Variants in NOL4 observed in about 807,000 individuals in gnomAD.
The protein encoded by NOL4 is nucleolar protein 4, also known as cancer/testis antigen 125.
In NOL4, 17 loss-of-function variants were observed where a neutral mutation model predicts 75.9. The ratio of observed to expected loss-of-function variants is 0.22; its 90% CI spans 0.15 to 0.34. The LOEUF is 0.34. Among genes scored for constraint, NOL4 ranks in the 10% least tolerant of loss-of-function variants. The pLI is 1.00. For synonymous variants in NOL4, 292 were observed against 289.9 expected (o/e 1.01, Z -0.07); for missense variants, 614 against 793.5 (o/e 0.77, Z 2.72).
chr18:33,870,803 G>A (rs2063664376), intron 10 of NOL4, among the ~76,000 whole-genome samples: 1 of 151,940 alleles, frequency 6.6e-6, no homozygotes, highest in Non-Finnish European at 1.5e-5. Context: ...AAATTCAGAA[G>A]ACTGTACAAG....
At chr18:34,149,751 T>C (rs530810246) in intron 1 of NOL4, among the ~76,000 whole-genome samples, 1 of 151,734 alleles carries the variant, frequency 6.6e-6, no homozygotes, top group East Asian at 1.9e-4. Context: ...TTATTTTAAC[T>C]TGTCTGTTCA....
At chr18:33,887,931 C>A (rs1321361612) in intron 9 of NOL4, among the ~76,000 whole-genome samples, 2 of 152,096 alleles carry the variant, frequency 1.3e-5, no homozygotes, top group African/African-American at 4.8e-5. Context: ...TTGGGTATAT[C>A]CCCAGTAATG....
chr18:33,869,160 A>T (rs1567981039), intron 10 of NOL4, among the ~76,000 whole-genome samples: 1 of 151,902 alleles, frequency 6.6e-6, no homozygotes. Context: ...ATAATATTAC[A>T]GCACATAAGA....
At chr18:34,014,798 C>T (rs985287769) in intron 6 of NOL4, among the ~76,000 whole-genome samples, 2 of 152,028 alleles carry the variant, frequency 1.3e-5, no homozygotes, top group African/African-American at 4.8e-5. Context: ...TGATTCCCTG[C>T]TAGTCTAGTG....
intron 6 of NOL4, among the ~76,000 whole-genome samples, chr18:33,997,490 G>C (rs2073382020): frequency 1.6e-5 from 1 of 62,768 alleles, no homozygotes; most frequent in African/African-American, 6.4e-5. Flanking sequence ...AGTATAGTTT[G>C]AGGTGGGGTA....
intron 6 of NOL4, among the ~76,000 whole-genome samples, chr18:33,965,129 G>T (rs2070472862): frequency 6.6e-6 from 1 of 152,094 alleles, no homozygotes; most frequent in Non-Finnish European, 1.5e-5. Flanking sequence ...ATCCACACTT[G>T]TTAGAGATAC....
chr18:34,091,566 G>T (rs954516752), intron 5 of NOL4, among the ~76,000 whole-genome samples: 1 of 151,984 alleles, frequency 6.6e-6, no homozygotes, highest in Non-Finnish European at 1.5e-5. Flanking sequence ...TTGGACTCCA[G>T]AACTGTGAGA....
chr18:34,024,546 T>C (rs1289488876), intron 5 of NOL4, among the ~76,000 whole-genome samples: 2 of 151,984 alleles, frequency 1.3e-5, no homozygotes, highest in Non-Finnish European at 2.9e-5. Context: ...CTCTGTCTTT[T>C]CCCAGGCTCA....
chr18:34,103,785 G>T (rs2079145650), intron 4 of NOL4, among the ~76,000 whole-genome samples: 1 of 151,958 alleles, frequency 6.6e-6, no homozygotes, highest in Non-Finnish European at 1.5e-5. Context: ...CCAGCTCAGT[G>T]ATGGTCTACT....
At chr18:34,215,781 C>A (rs907853696) in intron 1 of NOL4, among the ~76,000 whole-genome samples, 1 of 152,024 alleles carries the variant, frequency 6.6e-6, no homozygotes, top group Non-Finnish European at 1.5e-5. Context: ...CACCCTCTGC[C>A]CCTGAAAACC....
chr18:33,856,295 A>G (rs1472652238), intron 10 of NOL4, among the ~76,000 whole-genome samples: 1 of 152,098 alleles, frequency 6.6e-6, no homozygotes, highest in East Asian at 1.9e-4. Flanking sequence ...CTAGTTAGAC[A>G]AAAACCACGA....
intron 1 of NOL4, among the ~76,000 whole-genome samples, chr18:34,139,743 C>T (rs1388539519): frequency 1.3e-5 from 2 of 152,062 alleles, no homozygotes; most frequent in South Asian, 2.1e-4. Flanking sequence ...TTTGCTCTTG[C>T]TTCTCTAGTT....
intron 6 of NOL4, among the ~76,000 whole-genome samples, chr18:33,965,197 T>TA (rs1213282065): frequency 6.6e-6 from 1 of 152,046 alleles, no homozygotes; most frequent in Non-Finnish European, 1.5e-5. Flanking sequence ...TAAAATACTA[T>TA]AGAAGGTCAG....
chr18:34,080,895 A>G (rs2077980787), intron 5 of NOL4, among the ~76,000 whole-genome samples: 1 of 152,224 alleles, frequency 6.6e-6, no homozygotes, highest in Non-Finnish European at 1.5e-5. Context: ...CATGATAGTC[A>G]TTATTGTAAT....
At chr18:34,131,566 A>G (rs949698128) in intron 1 of NOL4, among the ~76,000 whole-genome samples, 1 of 152,138 alleles carries the variant, frequency 6.6e-6, no homozygotes, top group Non-Finnish European at 1.5e-5. Flanking sequence ...TGAAATTTGT[A>G]CAGTCTCCAG....
intron 1 of NOL4, among the ~76,000 whole-genome samples, chr18:34,215,365 C>T (rs1224971252): frequency 6.6e-6 from 1 of 151,988 alleles, no homozygotes; most frequent in Non-Finnish European, 1.5e-5. Context: ...CCCATTATGC[C>T]AGGTACTGGA....
intron 2 of NOL4, among the ~76,000 whole-genome samples, chr18:34,115,262 T>G (rs1035887121): frequency 6.6e-6 from 1 of 152,142 alleles, no homozygotes. Flanking sequence ...GAAGCTTGCA[T>G]GAAGGTGGTG....
At chr18:34,052,547 G>A (rs1040462375) in intron 5 of NOL4, among the ~76,000 whole-genome samples, 1 of 152,018 alleles carries the variant, frequency 6.6e-6, no homozygotes, top group African/African-American at 2.4e-5. Context: ...GTTTGGTCCA[G>A]AAATCTACAA....
At chr18:34,122,578 T>G (rs533611485) in intron 2 of NOL4, among the ~76,000 whole-genome samples, 18 of 152,254 alleles carry the variant, frequency 1.2e-4, no homozygotes, top group Admixed American at 8.5e-4. Flanking sequence ...CTATATTATT[T>G]ATGGCCCTAA....
Sources: gnomAD v4.1 joint callset for allele counts (sites outside exome capture counted in the v4.1 genomes callset) on GRCh38, gnomAD v4.1.1 for gene constraint, MANE v1.5 for transcripts, NCBI Gene and HGNC (gene_info 2026-07-23, HGNC 2026-07-21) for gene names.